PARVB: variants seen among roughly 807,000 people sequenced by gnomAD.
PARVB encodes beta-parvin.
In PARVB, 46 loss-of-function variants were observed where a neutral mutation model predicts 47.0. The observed-to-expected ratio is 0.98, with a 90% confidence interval of 0.77 to 1.25. The LOEUF is 1.25. Among genes scored for constraint, PARVB ranks in the 50% most tolerant of loss-of-function variants. PARVB has a pLI of 0.00. For synonymous variants in PARVB, 196 were observed against 196.3 expected, an observed-to-expected ratio of 1.00 and a Z score of 0.01; for missense variants, 473 against 471.6, an observed-to-expected ratio of 1.00 and a Z score of -0.03.
At chr22:44,054,989 T>G (rs2051278489) in intron 1 of PARVB, among the ~76,000 whole-genome samples, 1 of 21,106 alleles carries the variant, frequency 4.7e-5, no homozygotes, top group Non-Finnish European at 7.1e-5. Context: ...AAACTCCATC[T>G]CAAAAAAAAA....
chr22:44,119,976 G>A (rs1175675715), intron 4 of PARVB: 5 of 429,472 alleles, frequency 1.2e-5, no homozygotes, highest in Non-Finnish European at 2.4e-5. Flanking sequence ...TGGACTTGTA[G>A]TGGGTTCTCA....
At chr22:44,110,301 T>G (rs1011564326) in intron 3 of PARVB, 2 of 152,202 alleles carry the variant, frequency 1.3e-5, no homozygotes, top group African/African-American at 2.4e-5. Context: ...TGAGATCGCG[T>G]GGCCTGCATG....
intron 2 of PARVB, among the ~76,000 whole-genome samples, chr22:44,000,475 T>G (rs776055095): frequency 6.6e-6 from 1 of 152,184 alleles, no homozygotes; most frequent in South Asian, 2.1e-4. Flanking sequence ...TAAATAACTT[T>G]TAGAAATACA....
At chr22:44,016,287 G>A (rs182395816) in intron 2 of PARVB, among the ~76,000 whole-genome samples, 58 of 151,924 alleles carry the variant, frequency 3.8e-4, no homozygotes, top group Admixed American at 1.1e-3. Flanking sequence ...TAGTAGAGAC[G>A]GGGTTTCACC....
rs2054190257 is a variant in PARVB, at chr22:44,167,340, T to TA, written c.1019-1260dup. Among the ~76,000 whole-genome samples the TA allele has an allele frequency of 2.0e-5, 3 of 152,064 alleles. No individual in the cohort carries two copies. The South Asian group carries it at 6.2e-4, about 32-fold the overall frequency. ...GATTCCTATCCCTGGGCGCAGGTGC[T>TA]AAGGGGTGGCTGTGGTTAGCAGGTC... On this transcript the variant is annotated intron_variant, in intron 12 of 12. Transcript: ENST00000338758.
At chr22:44,151,602 C>G (rs755001654) in intron 10 of PARVB, 51 bp downstream of exon 10, 1 of 1,433,548 alleles carries the variant, frequency 7.0e-7, no homozygotes, top group Non-Finnish European at 9.8e-7. Context: ...CATTTTCAGT[C>G]AGTGTTTTGA....
chr22:44,159,257 C>G (rs1601701466), intron 11 of PARVB, among the ~76,000 whole-genome samples: 1 of 152,198 alleles, frequency 6.6e-6, no homozygotes, highest in East Asian at 1.9e-4. Flanking sequence ...TTGGAGAGAT[C>G]TTTTCTTTCT....
At chr22:44,122,548 GAGAGACAC>G (rs2053084996) in intron 4 of PARVB, among the ~76,000 whole-genome samples, 1 of 92,022 alleles carries the variant, frequency 1.1e-5, no homozygotes, top group African/African-American at 5.2e-5. Context: ...GAGAGAGAGA[GAGAGACAC>G]AGAGACAGAG....
rs561576284 is a variant in PARVB, at chr22:44,049,167, A to T, written c.112+24716A>T. Among the ~76,000 whole-genome samples, 1 of 152,324 alleles carries T rather than the reference A, an allele frequency of 6.6e-6. No individual in the cohort carries two copies. The highest frequency in any genetic ancestry group is 1.9e-4 in the East Asian group (1 of 5,184). On this transcript the variant is annotated intron_variant, in intron 1 of 12. Coordinates refer to ENST00000338758, the MANE Select transcript of PARVB (RefSeq NM_013327.5). This position sits in a 1 kb window ranked among gnomAD's most constrained non-coding sequence, Gnocchi z 4.0. ...GTCTCATTTTACGATGAGGAAACTG[A>T]GGCCCTGAGAGAGGGTGAGAAACCA... is the stretch of plus-strand genomic sequence containing the variant.
At chr22:44,071,724 G>C (rs887951960) in intron 1 of PARVB, among the ~76,000 whole-genome samples, 1 of 152,208 alleles carries the variant, frequency 6.6e-6, no homozygotes, top group Non-Finnish European at 1.5e-5. Context: ...TTAGTGATGG[G>C]TGTTTATTTT....
At chr22:44,133,959 A>G (rs1203679193) in intron 6 of PARVB, among the ~76,000 whole-genome samples, 1 of 152,226 alleles carries the variant, frequency 6.6e-6, no homozygotes, top group African/African-American at 2.4e-5. Flanking sequence ...CCGAGCCACT[A>G]AAGGAGGAAC....
intron 1 of PARVB, among the ~76,000 whole-genome samples, chr22:44,024,767 A>AGC (rs2050701082): frequency 6.6e-6 from 1 of 152,044 alleles, no homozygotes; most frequent in Admixed American, 6.5e-5. Flanking sequence ...TCCCTGGGCC[A>AGC]GCGGCATAGC....
intron 7 of PARVB, chr22:44,139,877 A>T (rs2053515840): frequency 1.8e-6 from 1 of 546,384 alleles, no homozygotes; most frequent in East Asian, 3.0e-5. Context: ...TTAATGTGCA[A>T]ATAGAGATGG....
chr22:44,159,070 A>AGC (rs2053996706), intron 11 of PARVB, among the ~76,000 whole-genome samples: 1 of 152,096 alleles, frequency 6.6e-6, no homozygotes, highest in Non-Finnish European at 1.5e-5. Flanking sequence ...ATCGAGAGAG[A>AGC]GAGAGCGAGC....
intron 1 of PARVB, among the ~76,000 whole-genome samples, chr22:44,071,039 G>C (rs2051643309): frequency 6.6e-6 from 1 of 152,190 alleles, no homozygotes; most frequent in Non-Finnish European, 1.5e-5. Context: ...ACTGTGAAAG[G>C]GGTCCTGGAG....
At chr22:44,083,255 A>G (rs2051948688) in intron 1 of PARVB, among the ~76,000 whole-genome samples, 2 of 152,208 alleles carry the variant, frequency 1.3e-5, no homozygotes, top group Non-Finnish European at 1.5e-5. Context: ...TGTAGAAATT[A>G]TCTATGTAGC....
chr22:44,097,942 C>T (rs1195879466), intron 2 of PARVB, among the ~76,000 whole-genome samples: 1 of 152,198 alleles, frequency 6.6e-6, no homozygotes, highest in Non-Finnish European at 1.5e-5. Flanking sequence ...TCAAGAAGCA[C>T]ACAGTCCTGG....
exon 1 of PARVB, chr22:43,999,384 G>T (rs1276194363): frequency 6.2e-7 from 1 of 1,610,920 alleles, no homozygotes; most frequent in Non-Finnish European, 8.5e-7. Flanking sequence ...GAGAAAAGGG[G>T]ATTCCTTAGT....
chr22:44,009,797 T>G (rs1023684436), intron 2 of PARVB, among the ~76,000 whole-genome samples: 2 of 150,314 alleles, frequency 1.3e-5, no homozygotes, highest in African/African-American at 4.9e-5. Flanking sequence ...TACACATGTG[T>G]GCATATGAAT....
Sources: allele counts gnomAD v4.1 joint callset (sites outside exome capture counted in the v4.1 genomes callset), GRCh38; gene constraint gnomAD v4.1.1; non-coding constraint Gnocchi (gnomAD v3.1); transcripts MANE v1.5; gene names NCBI Gene and HGNC (gene_info 2026-07-23, HGNC 2026-07-21).